The following PEX7 variants were observed in gnomAD, a reference collection of about 807,000 sequenced individuals.
PEX7 encodes peroxisomal biogenesis factor 7.
PEX7 carries 34 observed loss-of-function variants against 47.5 expected under a neutral mutation model. The ratio of observed to expected loss-of-function variants is 0.72; its 90% CI spans 0.54 to 0.95. The LOEUF is 0.95. Among genes scored for constraint, PEX7 ranks in the 40% least tolerant of loss-of-function variants. The probability of loss-of-function intolerance (pLI) is 0.00; values close to 1 mark genes in which losing one functional copy is unlikely to be tolerated. For synonymous variants in PEX7, 141 were observed against 148.8 expected (o/e 0.95, Z 0.38); for missense variants, 394 against 400.3 (o/e 0.98, Z 0.13).
chr6:136,846,128 T>C lies in PEX7; in HGVS notation c.473T>C (p.Ile158Thr). Reference sequence around the variant, plus strand: ...ACCTTTAGAGGCCATGAAAGTATTATTTATAGCACAATCTGGTCTCCCCAC... The same window carrying C: ...ACCTTTAGAGGCCATGAAAGTATTACTTATAGCACAATCTGGTCTCCCCAC... ...LCTFRGHESI[I>T]YSTIWSPHIP... Residue 158 changes from isoleucine to threonine, a missense_variant, in exon 5 of 10, where the codon ATT becomes ACT. Transcript: ENST00000318471. 1 of 1,613,762 alleles carries C rather than the reference T, an allele frequency of 6.2e-7. No individual in the cohort carries two copies. Among genetic ancestry groups the C allele is most frequent in the Non-Finnish European group, 8.5e-7 (1 of 1,179,704 alleles).
chr6:136,832,209 C>G (rs1256083366), intron 3 of PEX7, among the ~76,000 whole-genome samples: 1 of 152,242 alleles, frequency 6.6e-6, no homozygotes, highest in African/African-American at 2.4e-5. Flanking sequence ...AGACCCAACA[C>G]CACATGGAAG....
chr6:136,829,303 G>A (rs1774251167), intron 3 of PEX7, among the ~76,000 whole-genome samples: 1 of 151,982 alleles, frequency 6.6e-6, no homozygotes, highest in Middle Eastern at 3.2e-3. Context: ...CAAGGTCAGG[G>A]TGCCCACATG....
intron 9 of PEX7, chr6:136,901,290 C>A (rs1775749891): frequency 2.0e-5 from 3 of 152,266 alleles, no homozygotes; most frequent in Admixed American, 2.0e-4. Context: ...TTATCTATTA[C>A]TGTGTAATGA....
chr6:136,831,958 G>A lies in PEX7; in HGVS notation c.339+5489G>A, dbSNP rs528550679. 3.3e-4 allele frequency among the ~76,000 whole-genome samples: 51 copies of A among 152,312 alleles called. 1 individual carries two copies. The highest frequency in any genetic ancestry group is 1.2e-3 in the African/African-American group (48 of 41,574). On this transcript the variant is annotated intron_variant, in intron 3 of 9. Transcript: ENST00000318471. ...AGCTGTCAGTGAATCTACCTTTCTGGGGCCTGGGGGACAGTGGCTCTCTCC... is the reference window on the plus strand; with the variant it reads ...AGCTGTCAGTGAATCTACCTTTCTGAGGCCTGGGGGACAGTGGCTCTCTCC...
At chr6:136,866,903 T>C (rs941075095) in intron 6 of PEX7, among the ~76,000 whole-genome samples, 170 bp downstream of exon 6, 2 of 152,218 alleles carry the variant, frequency 1.3e-5, no homozygotes, top group Non-Finnish European at 2.9e-5. Flanking sequence ...TTAGCATTAA[T>C]TGGATTTAAG....
At chr6:136,830,245 T>G in intron 3 of PEX7, 1 of 528,688 alleles carries the variant, frequency 1.9e-6, no homozygotes, top group South Asian at 2.8e-5. Flanking sequence ...CAGCATTGAA[T>G]AAATATGAGC....
intron 1 of PEX7, 33 bp downstream of exon 1, chr6:136,822,828 G>A: frequency 8.3e-7 from 1 of 1,207,568 alleles, no homozygotes; most frequent in Non-Finnish European, 1.0e-6. Context: ...GGGCCGGGGG[G>A]CGGAGGCGGA....
intron 9 of PEX7, among the ~76,000 whole-genome samples, chr6:136,908,389 G>A (rs6926680): frequency 0.98 from 149,023 of 152,314 alleles, 72,923 homozygotes; most frequent in East Asian, 1. Context: ...AATAAGATTG[G>A]TTCTCTCTTC....
chr6:136,875,310 T>G (rs914604505), intron 8 of PEX7, among the ~76,000 whole-genome samples: 7 of 152,118 alleles, frequency 4.6e-5, no homozygotes, highest in Non-Finnish European at 1.0e-4. Flanking sequence ...TTTTTTCTGG[T>G]TATTATTCAA....
intron 1 of PEX7, 129 bp downstream of exon 1, chr6:136,822,924 G>A: frequency 1.7e-6 from 2 of 1,210,602 alleles, no homozygotes; most frequent in Non-Finnish European, 2.0e-6. Context: ...ACGCCAGGGG[G>A]CAGAAGAGGC....
intron 9 of PEX7, among the ~76,000 whole-genome samples, chr6:136,902,915 C>T (rs894237074): frequency 1.6e-4 from 25 of 152,094 alleles, no homozygotes; most frequent in Non-Finnish European, 2.2e-4. Context: ...TTTCAGATGT[C>T]GCTGCTGTAT....
intron 3 of PEX7, chr6:136,829,952 A>G: frequency 1.4e-6 from 1 of 695,054 alleles, no homozygotes; most frequent in Non-Finnish European, 2.6e-6. Context: ...AAAGTTATTA[A>G]AAAAAAAAGT....
rs1775968352 is a variant in PEX7, at chr6:136,913,632, A to G, written c.*106A>G. The G allele has an allele frequency of 3.5e-6, 3 of 848,164 alleles. No homozygotes were observed. The highest frequency in any genetic ancestry group is 3.5e-5 in the Admixed American group (2 of 56,664). 52.5% of individuals were successfully genotyped at this position (848,164 alleles called of 1,614,324 possible). A position where few individuals can be genotyped will look rare whatever the true frequency, so the allele number is the denominator to read the frequency against. ...GACATTATGCTTTTATATGCTATTC[A>G]GATTTCAAATCTTTCCAATTTACCC... On this transcript the variant is annotated 3_prime_UTR_variant, in exon 10 of 10. Coordinates refer to ENST00000318471, the MANE Select transcript of PEX7 (RefSeq NM_000288.4).
chr6:136,824,718 G>C (rs1774156567), intron 1 of PEX7, among the ~76,000 whole-genome samples: 1 of 152,196 alleles, frequency 6.6e-6, no homozygotes, highest in Non-Finnish European at 1.5e-5. Flanking sequence ...CAGTTATGTA[G>C]TAAATCCCAC....
At chr6:136,896,249 A>T (rs753152499) in intron 8 of PEX7, among the ~76,000 whole-genome samples, 5 of 152,246 alleles carry the variant, frequency 3.3e-5, no homozygotes, top group Non-Finnish European at 5.9e-5. Context: ...TATGGTTTAC[A>T]TAAAGAATAT....
At chr6:136,837,602 C>A (rs1005081237) in intron 3 of PEX7, among the ~76,000 whole-genome samples, 2 of 152,020 alleles carry the variant, frequency 1.3e-5, no homozygotes, top group Admixed American at 6.6e-5. Flanking sequence ...ATACTGTTTG[C>A]CACTAACAGG....
chr6:136,911,977 C>T (rs1775941060), intron 9 of PEX7, among the ~76,000 whole-genome samples: 1 of 152,136 alleles, frequency 6.6e-6, no homozygotes, highest in South Asian at 2.1e-4. Context: ...TAATTTTAGC[C>T]ATAATGTGAA....
At chr6:136,841,575 A>G (rs1036277520) in intron 3 of PEX7, among the ~76,000 whole-genome samples, 6 of 151,886 alleles carry the variant, frequency 4.0e-5, no homozygotes, top group Non-Finnish European at 7.4e-5. Flanking sequence ...TTATGTTTAT[A>G]GTTTGTTTTG....
intron 5 of PEX7, among the ~76,000 whole-genome samples, chr6:136,852,212 C>A (rs989711996): frequency 1.3e-5 from 2 of 152,120 alleles, no homozygotes; most frequent in African/African-American, 4.8e-5. Flanking sequence ...TTTCAGCTTT[C>A]TGGAAGCACT....
Sources: gnomAD v4.1 joint callset for allele counts (sites outside exome capture counted in the v4.1 genomes callset) on GRCh38, gnomAD v4.1.1 for gene constraint, MANE v1.5 for transcripts, NCBI Gene and HGNC (gene_info 2026-07-23, HGNC 2026-07-21) for gene names.